BCCIP: variants seen among roughly 807,000 people sequenced by gnomAD.
BCCIP encodes BRCA2 and CDKN1A-interacting protein.
Under a neutral mutation model 32.8 loss-of-function variants are expected in BCCIP, and 23 were observed. The ratio of observed to expected loss-of-function variants is 0.70; its 90% CI spans 0.51 to 0.99. The LOEUF (loss-of-function observed/expected upper bound fraction) is 0.99, where lower values mean the gene tolerates loss of function less well. Among genes scored for constraint, BCCIP ranks in the 50% least tolerant of loss-of-function variants. The pLI, the probability that BCCIP is intolerant of heterozygous loss-of-function variation, is 0.00. For missense variants in BCCIP, 378 were observed against 379.8 expected (o/e 1.00, Z 0.04); for synonymous variants, 144 against 137.6 (o/e 1.05, Z -0.33).
downstream of BCCIP, among the ~76,000 whole-genome samples, chr10:125,844,159 A>G (rs1854951168): frequency 6.6e-6 from 1 of 152,214 alleles, no homozygotes; most frequent in African/African-American, 2.4e-5. Flanking sequence ...CAAGAGTTCT[A>G]TCAGTGAGGC....
downstream of BCCIP, among the ~76,000 whole-genome samples, chr10:125,840,447 C>T (rs1489646711): frequency 2.6e-5 from 4 of 152,236 alleles, no homozygotes; most frequent in Admixed American, 6.5e-5. Context: ...TCTGCATGCA[C>T]GTGGTGAATG....
intron 6 of BCCIP, 113 bp downstream of exon 6, chr10:125,834,059 C>A: frequency 8.5e-7 from 1 of 1,169,988 alleles, no homozygotes; most frequent in Non-Finnish European, 1.2e-6. Flanking sequence ...TGTGGCTACT[C>A]TGTTTTTCTG....
intron 7 of BCCIP, among the ~76,000 whole-genome samples, chr10:125,848,186 G>T (rs1313414297): frequency 6.6e-6 from 1 of 152,174 alleles, no homozygotes; most frequent in Non-Finnish European, 1.5e-5. Context: ...TGAAGAGATG[G>T]TGTAGACCCT....
chr10:125,839,795 C>A (rs970793900), downstream of BCCIP, among the ~76,000 whole-genome samples: 1 of 152,172 alleles, frequency 6.6e-6, no homozygotes, highest in African/African-American at 2.4e-5. Context: ...CCTGTAATTA[C>A]TTAAGATGGA....
At chr10:125,838,950 GTA>G, downstream of BCCIP, 2 of 1,547,234 alleles carry the variant, frequency 1.3e-6, no homozygotes, top group South Asian at 2.4e-5. Context: ...CATATCCTGA[GTA>G]TGTGCAATTC....
downstream of BCCIP, among the ~76,000 whole-genome samples, chr10:125,843,261 G>T (rs1233647044): frequency 6.6e-6 from 1 of 152,042 alleles, no homozygotes; most frequent in Non-Finnish European, 1.5e-5. Flanking sequence ...GCTCCTGGGA[G>T]TTCAAAGTAA....
At chr10:125,839,129 C>A, downstream of BCCIP, 1 of 1,614,254 alleles carries the variant, frequency 6.2e-7, no homozygotes, top group Non-Finnish European at 8.5e-7. Context: ...CGAATAACAT[C>A]TGCCATTCTG....
At chr10:125,827,214 C>T (rs1405954025) in intron 2 of BCCIP, among the ~76,000 whole-genome samples, 2 of 151,850 alleles carry the variant, frequency 1.3e-5, no homozygotes, top group Non-Finnish European at 2.9e-5. Flanking sequence ...TGCTGCTTCT[C>T]CTTATTCTTT....
chr10:125,845,941 C>G (rs1212265107), downstream of BCCIP, among the ~76,000 whole-genome samples: 1 of 152,236 alleles, frequency 6.6e-6, no homozygotes, highest in Non-Finnish European at 1.5e-5. Flanking sequence ...TTGACAGCCA[C>G]AGGCACCTCC....
At chr10:125,836,755 T>C (rs767417807), downstream of BCCIP, 19 of 1,614,224 alleles carry the variant, frequency 1.2e-5, 1 homozygote, top group South Asian at 1.3e-4. Context: ...TTATTCATTG[T>C]TGACACAGGG....
At chr10:125,851,890 C>G (rs959121341) in intron 7 of BCCIP, among the ~76,000 whole-genome samples, 1 of 136,826 alleles carries the variant, frequency 7.3e-6, no homozygotes, top group Non-Finnish European at 1.5e-5. Context: ...CACTGTACTC[C>G]AGTTTGAGCA....
At chr10:125,829,057 A>G (rs1854467767) in intron 3 of BCCIP, among the ~76,000 whole-genome samples, 1 of 152,166 alleles carries the variant, frequency 6.6e-6, no homozygotes, top group Admixed American at 6.5e-5. Flanking sequence ...ACAGATAGAA[A>G]TTTCTATCTA....
exon 7 of BCCIP, chr10:125,842,177 G>T: frequency 2.1e-6 from 1 of 471,232 alleles, no homozygotes; most frequent in Non-Finnish European, 3.5e-6. Context: ...CAGTGTGCAT[G>T]CGGGGGGAAC....
chr10:125,851,920 CAAAAAAAA>C (rs56380138), intron 7 of BCCIP, among the ~76,000 whole-genome samples: 16 of 86,788 alleles, frequency 1.8e-4, no homozygotes, highest in Non-Finnish European at 2.7e-4. Flanking sequence ...GACCCTGTCT[CAAAAAAAA>C]AAAAAAAAAA....
chr10:125,838,735 C>T (rs75993006), downstream of BCCIP, among the ~76,000 whole-genome samples: 1,188 of 152,260 alleles, frequency 7.8e-3, 22 homozygotes, highest in African/African-American at 0.026. Flanking sequence ...GTGTAGCACG[C>T]AATGACCCTG....
At chr10:125,830,048 G>A (rs984185309) in intron 3 of BCCIP, among the ~76,000 whole-genome samples, 2 of 152,220 alleles carry the variant, frequency 1.3e-5, no homozygotes, top group Non-Finnish European at 2.9e-5. Context: ...AATGTGATAG[G>A]TGTAAGTGGC....
chr10:125,852,613 CGAGTTTGCT>C, intron 7 of BCCIP: 1 of 1,612,138 alleles, frequency 6.2e-7, no homozygotes, highest in Non-Finnish European at 8.5e-7. Flanking sequence ...GCATGACGAG[CGAGTTTGCT>C]CTTATTCTCG....
At chr10:125,833,271 G>T (rs535206417) in intron 5 of BCCIP, among the ~76,000 whole-genome samples, 31 of 152,304 alleles carry the variant, frequency 2.0e-4, no homozygotes, top group African/African-American at 7.5e-4. Flanking sequence ...CGATTCCATT[G>T]CTAGAATTTA....
intron 7 of BCCIP, among the ~76,000 whole-genome samples, chr10:125,851,836 A>ACTTGAGC (rs1231931767): frequency 6.7e-6 from 1 of 150,046 alleles, no homozygotes. Context: ...TGGGAGGATC[A>ACTTGAGC]CTTGAGCCTG....
Sources: gnomAD v4.1 joint callset for allele counts (sites outside exome capture counted in the v4.1 genomes callset) on GRCh38, gnomAD v4.1.1 for gene constraint, MANE v1.5 for transcripts, NCBI Gene and HGNC (gene_info 2026-07-23, HGNC 2026-07-21) for gene names.